PKNOX2: variants seen among roughly 807,000 people sequenced by gnomAD.
PKNOX2 encodes PBX/knotted 1 homeobox 2, also known as homeobox protein PKNOX2.
Under a neutral mutation model 53.1 loss-of-function variants are expected in PKNOX2, and 14 were observed. That is an observed-to-expected ratio of 0.26 (90% CI 0.17 to 0.41). The LOEUF is 0.41. Among genes scored for constraint, PKNOX2 ranks in the 10% least tolerant of loss-of-function variants. PKNOX2 has a pLI of 1.00. For missense variants in PKNOX2, 496 were observed against 602.8 expected (o/e 0.82, Z 1.85); for synonymous variants, 257 against 242.8 (o/e 1.06, Z -0.54).
intron 2 of PKNOX2, among the ~76,000 whole-genome samples, chr11:125,310,562 T>A (rs1948741782): frequency 1.3e-5 from 2 of 152,088 alleles, no homozygotes; most frequent in African/African-American, 4.8e-5. Context: ...CATTAACAAG[T>A]AATGCCAAAC....
At chr11:125,284,014 T>C (rs951961191) in intron 2 of PKNOX2, among the ~76,000 whole-genome samples, 3 of 152,216 alleles carry the variant, frequency 2.0e-5, no homozygotes, top group African/African-American at 7.2e-5. Context: ...AAATTAGCTG[T>C]GCCACTCACA....
intron 1 of PKNOX2, among the ~76,000 whole-genome samples, chr11:125,188,634 C>A (rs977460943): frequency 6.6e-6 from 1 of 152,114 alleles, no homozygotes; most frequent in African/African-American, 2.4e-5. Context: ...GGCCCAGCAA[C>A]TTTTGTCCTA....
At chr11:125,248,019 G>A (rs1943692075) in intron 2 of PKNOX2, among the ~76,000 whole-genome samples, 1 of 152,108 alleles carries the variant, frequency 6.6e-6, no homozygotes. Context: ...ACCATCCCAG[G>A]TATGTCTGTG....
chr11:125,304,168 A>G (rs1044198120), intron 2 of PKNOX2, among the ~76,000 whole-genome samples: 2 of 152,156 alleles, frequency 1.3e-5, no homozygotes, highest in African/African-American at 4.8e-5. Flanking sequence ...CTGCTTGGAA[A>G]TGGATCCACT....
chr11:125,244,226 C>T (rs1194727870), intron 2 of PKNOX2, among the ~76,000 whole-genome samples: 6 of 152,246 alleles, frequency 3.9e-5, no homozygotes, highest in African/African-American at 1.4e-4. Flanking sequence ...GGCTGATCTT[C>T]CTTGGGGTCA....
intron 2 of PKNOX2, among the ~76,000 whole-genome samples, chr11:125,264,807 GT>G (rs1945176669): frequency 1.3e-5 from 2 of 152,120 alleles, no homozygotes; most frequent in Non-Finnish European, 2.9e-5. Flanking sequence ...CCCTAGGGAT[GT>G]GGGGGACTCG....
intron 3 of PKNOX2, among the ~76,000 whole-genome samples, chr11:125,334,745 C>G (rs1950341905): frequency 1.3e-5 from 2 of 151,752 alleles, no homozygotes; most frequent in South Asian, 4.2e-4. Context: ...GCAACAGGTG[C>G]ACACCTCCAT....
chr11:125,183,659 A>G (rs1241700748), intron 1 of PKNOX2, among the ~76,000 whole-genome samples: 1 of 150,648 alleles, frequency 6.6e-6, no homozygotes, highest in South Asian at 2.1e-4. Context: ...TTTTTTTTGC[A>G]TTGACTCTTT....
intron 2 of PKNOX2, among the ~76,000 whole-genome samples, chr11:125,269,915 T>C (rs1006412395): frequency 6.6e-6 from 1 of 152,186 alleles, no homozygotes; most frequent in African/African-American, 2.4e-5. Context: ...ATGCATGCAT[T>C]AATTTAACAA....
chr11:125,371,742 C>T (rs146515129), intron 5 of PKNOX2, among the ~76,000 whole-genome samples: 2 of 152,150 alleles, frequency 1.3e-5, no homozygotes, highest in African/African-American at 2.4e-5. Flanking sequence ...ACCAGGGACG[C>T]GGAGGTGCTA....
intron 3 of PKNOX2, among the ~76,000 whole-genome samples, chr11:125,350,710 G>C (rs1357557943): frequency 6.6e-6 from 1 of 152,164 alleles, no homozygotes; most frequent in African/African-American, 2.4e-5. Context: ...GCTACAGTCT[G>C]AGGACGGGTC....
In PKNOX2 at chr11:125,432,178, T is replaced by C. The variant is rs986124088; in HGVS notation, c.*786T>C. On this transcript the variant is annotated 3_prime_UTR_variant, in exon 13 of 13. Coordinates refer to ENST00000298282, the MANE Select transcript of PKNOX2 (RefSeq NM_001382323.2). ...GGCAGACCCTGGGCTAGGAACCATA[T>C]GGAGGTGACTTTGAGGCCACAGCTG... is the stretch of plus-strand genomic sequence containing the variant. 2 of 152,400 alleles carry C rather than the reference T, an allele frequency of 1.3e-5. No individual in the cohort carries two copies. The highest frequency in any genetic ancestry group is 2.4e-5 in the African/African-American group (1 of 41,568). The allele number at this position is 152,400 out of a possible 1,614,324, so 9.4% of individuals were successfully genotyped here. A position where few individuals can be genotyped will look rare whatever the true frequency, so the allele number is the denominator to read the frequency against.
At chr11:125,306,724 T>G (rs1948486256) in intron 2 of PKNOX2, among the ~76,000 whole-genome samples, 1 of 152,116 alleles carries the variant, frequency 6.6e-6, no homozygotes, top group Non-Finnish European at 1.5e-5. Context: ...AGCTTGAAAA[T>G]GCAGACTCTG....
At chr11:125,311,849 A>T (rs114893485) in intron 2 of PKNOX2, among the ~76,000 whole-genome samples, 1,677 of 152,282 alleles carry the variant, frequency 0.011, 15 homozygotes, top group African/African-American at 0.028. Context: ...AACATTTTTT[A>T]AAAAATTTTT....
intron 5 of PKNOX2, among the ~76,000 whole-genome samples, chr11:125,376,214 C>A (rs1290435883): frequency 6.6e-6 from 1 of 152,160 alleles, no homozygotes; most frequent in African/African-American, 2.4e-5. Flanking sequence ...GGGCTGGAGC[C>A]CAGGAGCTCT....
At chr11:125,316,995 T>C (rs1949235404) in intron 2 of PKNOX2, among the ~76,000 whole-genome samples, 1 of 152,228 alleles carries the variant, frequency 6.6e-6, no homozygotes, top group Non-Finnish European at 1.5e-5. Flanking sequence ...TTAATCAACC[T>C]AGTGTATGTG....
intron 10 of PKNOX2, among the ~76,000 whole-genome samples, chr11:125,426,950 C>T (rs1002443979): frequency 3.3e-5 from 5 of 152,156 alleles, no homozygotes; most frequent in African/African-American, 7.2e-5. Flanking sequence ...GAAAGGCACG[C>T]GAGGACAGGC....
chr11:125,267,205 G>A (rs1489594143), intron 2 of PKNOX2, among the ~76,000 whole-genome samples: 1 of 152,190 alleles, frequency 6.6e-6, no homozygotes, highest in African/African-American at 2.4e-5. Flanking sequence ...ATAGGTAGAC[G>A]TTTGGTCAAG....
At chr11:125,280,881 C>T (rs1004149810) in intron 2 of PKNOX2, among the ~76,000 whole-genome samples, 6 of 152,120 alleles carry the variant, frequency 3.9e-5, no homozygotes, top group African/African-American at 9.7e-5. Flanking sequence ...TATGTCTGCC[C>T]GCTTCCCACT....
Sources: allele counts gnomAD v4.1 joint callset (sites outside exome capture counted in the v4.1 genomes callset), GRCh38; gene constraint gnomAD v4.1.1; transcripts MANE v1.5; gene names NCBI Gene and HGNC (gene_info 2026-07-23, HGNC 2026-07-21).